CSMD1: variants seen among roughly 807,000 people sequenced by gnomAD.
The protein encoded by CSMD1 is CUB and Sushi multiple domains 1.
In CSMD1, 213 loss-of-function variants were observed where a neutral mutation model predicts 417.5. That is an observed-to-expected ratio of 0.51 (90% CI 0.46 to 0.57). The LOEUF is 0.57. CSMD1 is among the 20% of genes least tolerant of loss of function. CSMD1 has a pLI of 0.00. For missense variants in CSMD1, 6,923 were observed against 4,529.7 expected, an observed-to-expected ratio of 1.53 and a Z score of -15.17; for synonymous variants, 2,862 against 1,736.8, an observed-to-expected ratio of 1.65 and a Z score of -16.11.
At position 3,049,378 on chromosome 8, in the gene CSMD1, G is replaced by A. The variant is rs142130953; in HGVS notation, c.7660+3084C>T. ...GGGTAAATAAGCCATGGTCCATACA[G>A]ACAATGGAATATTGTTCAGTACTAA... On this transcript the variant is annotated intron_variant, in intron 50 of 69. Coordinates refer to ENST00000635120, the MANE Select transcript of CSMD1 (RefSeq NM_033225.6). 2.2e-3 allele frequency among the ~76,000 whole-genome samples: 341 copies of A among 152,230 alleles called. 7 individuals are homozygous for A. The highest frequency in any genetic ancestry group is 3.4e-3 in the Middle Eastern group (1 of 294).
chr8:3,188,389 C>T (rs1411628562), intron 35 of CSMD1, among the ~76,000 whole-genome samples: 1 of 141,464 alleles, frequency 7.1e-6, no homozygotes, highest in Non-Finnish European at 1.5e-5. Flanking sequence ...TCACTGCAAC[C>T]TCCGCCTCCC....
chr8:3,638,063 G>A (rs977974690), intron 7 of CSMD1, among the ~76,000 whole-genome samples: 4 of 152,068 alleles, frequency 2.6e-5, no homozygotes, highest in Admixed American at 6.6e-5. Flanking sequence ...ATAGGAGCAT[G>A]GCTTTTCTAA....
chr8:3,213,785 A>G (rs1585675357), intron 30 of CSMD1, among the ~76,000 whole-genome samples: 1 of 150,906 alleles, frequency 6.6e-6, no homozygotes, highest in Non-Finnish European at 1.5e-5. Flanking sequence ...GTGTATGTAT[A>G]TATATGTATG....
At chr8:4,170,773 G>C (rs1797723774) in intron 3 of CSMD1, among the ~76,000 whole-genome samples, 1 of 151,590 alleles carries the variant, frequency 6.6e-6, no homozygotes, top group Non-Finnish European at 1.5e-5. Flanking sequence ...AAGGGACACA[G>C]AATTTCAAAT....
At chr8:4,078,756 C>G (rs1169362939) in intron 3 of CSMD1, among the ~76,000 whole-genome samples, 2 of 150,564 alleles carry the variant, frequency 1.3e-5, no homozygotes, top group Non-Finnish European at 3.0e-5. Flanking sequence ...AAATTTCAGG[C>G]CTGGCACACT....
chr8:4,993,313 A>G (rs1031493742), intron 1 of CSMD1, among the ~76,000 whole-genome samples: 5 of 152,190 alleles, frequency 3.3e-5, no homozygotes, highest in African/African-American at 1.2e-4. Context: ...CTGATAAAGA[A>G]AGCATCTAAG....
chr8:4,363,127 A>G (rs1390714694), intron 3 of CSMD1, among the ~76,000 whole-genome samples: 1 of 152,220 alleles, frequency 6.6e-6, no homozygotes, highest in East Asian at 1.9e-4. Flanking sequence ...CACTTTCAAC[A>G]GAGTAAATAA....
intron 23 of CSMD1, among the ~76,000 whole-genome samples, chr8:3,310,238 T>A (rs1805218936): frequency 1.3e-5 from 2 of 151,980 alleles, no homozygotes; most frequent in Admixed American, 6.6e-5. Flanking sequence ...ATATCATGTA[T>A]GACAAAATCC....
At chr8:3,513,278 G>C (rs1220678674) in intron 10 of CSMD1, among the ~76,000 whole-genome samples, 2 of 151,754 alleles carry the variant, frequency 1.3e-5, no homozygotes, top group African/African-American at 4.8e-5. Flanking sequence ...TTTTGTAAGA[G>C]GAGTATTTTC....
At position 4,312,563 on chromosome 8, in the gene CSMD1, T is replaced by C. The variant is rs370171859; in HGVS notation, c.415+107390A>G. 5.9e-5 allele frequency among the ~76,000 whole-genome samples: 9 copies of C among 151,868 alleles called. No homozygotes were observed. The East Asian group carries it at 1.5e-3, about 26-fold the overall frequency. ...AAATTGAAAGGGCTCACAGTCGTTCTATTTATGAGCAACAGATGTATTAAA... is the reference window on the plus strand; with the variant it reads ...AAATTGAAAGGGCTCACAGTCGTTCCATTTATGAGCAACAGATGTATTAAA... On this transcript the variant is annotated intron_variant, in intron 3 of 69. Coordinates refer to ENST00000635120, the MANE Select transcript of CSMD1 (RefSeq NM_033225.6).
chr8:3,312,929 T>C (rs972699634), intron 23 of CSMD1, among the ~76,000 whole-genome samples: 2 of 152,228 alleles, frequency 1.3e-5, no homozygotes, highest in African/African-American at 2.4e-5. Context: ...TACATTTCAA[T>C]TGAGCTTTAC....
At chr8:4,897,393 GA>G (rs1563704407) in intron 1 of CSMD1, among the ~76,000 whole-genome samples, 2 of 151,984 alleles carry the variant, frequency 1.3e-5, no homozygotes, top group African/African-American at 4.8e-5. Flanking sequence ...CATTCAACAG[GA>G]AAAAAGTTAC....
At chr8:4,481,029 C>G (rs2130128035) in intron 2 of CSMD1, among the ~76,000 whole-genome samples, 1 of 152,302 alleles carries the variant, frequency 6.6e-6, no homozygotes, top group East Asian at 1.9e-4. Context: ...GTTTCTATTT[C>G]TCTCCCAACC....
At chr8:3,867,771 G>T (rs1162239476) in intron 5 of CSMD1, among the ~76,000 whole-genome samples, 1 of 152,080 alleles carries the variant, frequency 6.6e-6, no homozygotes, top group East Asian at 1.9e-4. Flanking sequence ...CCAGGGCCAG[G>T]CAGCTTCCTG....
At chr8:3,784,787 T>C (rs908118375) in intron 5 of CSMD1, among the ~76,000 whole-genome samples, 1 of 152,236 alleles carries the variant, frequency 6.6e-6, no homozygotes, top group African/African-American at 2.4e-5. Context: ...CACTCATATT[T>C]ACATCATGTT....
rs549449611 is a variant in CSMD1, at chr8:4,168,649, C to T, written c.416-136550G>A. Reference sequence around the variant, plus strand: ...ATCTTAGATCATCATGTTTTCTACTCTGGAGTACATCATTCTCACATTTTT... The same window carrying T: ...ATCTTAGATCATCATGTTTTCTACTTTGGAGTACATCATTCTCACATTTTT... On this transcript the variant is annotated intron_variant, in intron 3 of 69. Transcript: ENST00000635120. Among the ~76,000 whole-genome samples, 30 of 152,194 alleles carry T rather than the reference C, an allele frequency of 2.0e-4. No homozygotes were observed. In the East Asian group the frequency reaches 5.6e-3, roughly 28 times the overall value.
intron 1 of CSMD1, among the ~76,000 whole-genome samples, chr8:4,794,931 G>C (rs548171010): frequency 1.3e-5 from 2 of 151,480 alleles, no homozygotes; most frequent in Middle Eastern, 6.8e-3. Context: ...AGAACGCTGG[G>C]AAGGGAGTCC....
At chr8:4,377,712 T>A (rs1318685635) in intron 3 of CSMD1, among the ~76,000 whole-genome samples, 1 of 152,218 alleles carries the variant, frequency 6.6e-6, no homozygotes, top group Non-Finnish European at 1.5e-5. Flanking sequence ...GGCATACTTT[T>A]GATTTAAAAT....
chr8:4,381,263 G>A (rs1275115037), intron 3 of CSMD1, among the ~76,000 whole-genome samples: 1 of 152,200 alleles, frequency 6.6e-6, no homozygotes. Context: ...GAGGAATAAA[G>A]GCGTCAAAAC....
Sources: gnomAD v4.1 joint callset for allele counts (sites outside exome capture counted in the v4.1 genomes callset) on GRCh38, gnomAD v4.1.1 for gene constraint, MANE v1.5 for transcripts, NCBI Gene and HGNC (gene_info 2026-07-23, HGNC 2026-07-21) for gene names.